Variants in EYS observed in about 807,000 individuals in gnomAD.
EYS encodes EGF-like photoreceptor maintenance factor.
Under a neutral mutation model 282.1 loss-of-function variants are expected in EYS, and 250 were observed. That is an observed-to-expected ratio of 0.89 (90% CI 0.80 to 0.98). The LOEUF (loss-of-function observed/expected upper bound fraction) is 0.98, where lower values mean the gene tolerates loss of function less well. Among genes scored for constraint, EYS ranks in the 50% least tolerant of loss-of-function variants. The pLI, the probability that EYS is intolerant of heterozygous loss-of-function variation, is 0.00. For missense variants in EYS, 4,016 were observed against 3,709.0 expected (o/e 1.08, Z -2.15); for synonymous variants, 1,355 against 1,282.9 (o/e 1.06, Z -1.20).
At chr6:65,685,246 A>T (rs1343303010) in intron 1 of EYS, among the ~76,000 whole-genome samples, 1 of 152,046 alleles carries the variant, frequency 6.6e-6, no homozygotes, top group Non-Finnish European at 1.5e-5. Context: ...AATGATGGAC[A>T]CATAGAGACG....
At position 63,766,320 on chromosome 6, in the gene EYS, C is replaced by A. The variant is rs1306523176; in HGVS notation, c.7899-3687G>T. ...AGTTTTCTGACCCCGGCACTCTAGACCATTAATTCCGTAAGAGCAGAGATA... is the reference window on the plus strand; with the variant it reads ...AGTTTTCTGACCCCGGCACTCTAGAACATTAATTCCGTAAGAGCAGAGATA... On this transcript the variant is annotated intron_variant, in intron 40 of 42. Transcript: ENST00000503581. Among the ~76,000 whole-genome samples the A allele has an allele frequency of 2.6e-5, 4 of 152,098 alleles. No individual in the cohort carries two copies. The East Asian group carries it at 7.7e-4, about 29-fold the overall frequency.
At chr6:63,777,811 T>G (rs952980525) in intron 40 of EYS, 195 bp downstream of exon 40, 8 of 540,150 alleles carry the variant, frequency 1.5e-5, no homozygotes, top group African/African-American at 1.3e-4. Context: ...AGAACTAAGA[T>G]GGCATAAATG....
At position 64,843,277 on chromosome 6, in the gene EYS, G is replaced by A. The variant is rs987875406; in HGVS notation, c.2993-20455C>T. On this transcript the variant is annotated intron_variant, in intron 19 of 42. Transcript: ENST00000503581. ...AGAACCCATACTGCGGCACCACCTA[G>A]TAGAGCTGTGAGAAGAGGGCCACTG... is the stretch of plus-strand genomic sequence containing the variant. 7.9e-5 allele frequency among the ~76,000 whole-genome samples: 12 copies of A among 152,264 alleles called. 1 individual carries two copies. In the East Asian group the frequency reaches 1.9e-3, roughly 25 times the overall value.
intron 12 of EYS, among the ~76,000 whole-genome samples, chr6:65,119,247 A>G (rs1057345340): frequency 2.0e-5 from 3 of 152,302 alleles, no homozygotes; most frequent in Non-Finnish European, 2.9e-5. Context: ...AGGCTTAGGA[A>G]GTGGGCAGCA....
At chr6:64,356,572 C>T (rs1281292986) in intron 29 of EYS, among the ~76,000 whole-genome samples, 1 of 151,594 alleles carries the variant, frequency 6.6e-6, no homozygotes, top group Non-Finnish European at 1.5e-5. Flanking sequence ...GGCTTAGTAA[C>T]ACACTAACAT....
Position 65,220,279 on chromosome 6 carries a change from C to A in EYS, c.2023+75584G>T, listed in dbSNP as rs187607230. ...AAAAAAATTCACTCTTCATTAGGTA[C>A]ATTTTTACCATGTACCTACCATGCA... On this transcript the variant is annotated intron_variant, in intron 12 of 42. Transcript: ENST00000503581. Among the ~76,000 whole-genome samples, 13 of 152,090 alleles carry A rather than the reference C, an allele frequency of 8.5e-5. No homozygotes were observed. In the East Asian group the frequency reaches 2.5e-3, roughly 29 times the overall value.
chr6:65,218,736 C>T (rs1766381502), intron 12 of EYS, among the ~76,000 whole-genome samples: 1 of 151,978 alleles, frequency 6.6e-6, no homozygotes, highest in African/African-American at 2.4e-5. Context: ...GATGTCTCAC[C>T]AGAAATACTG....
intron 2 of EYS, among the ~76,000 whole-genome samples, chr6:65,500,015 A>T (rs1026419327): frequency 6.6e-6 from 1 of 151,950 alleles, no homozygotes; most frequent in Non-Finnish European, 1.5e-5. Flanking sequence ...TAAAAAGAGT[A>T]AAAAATAAAA....
At chr6:64,138,589 G>C (rs896102437) in intron 31 of EYS, among the ~76,000 whole-genome samples, 5 of 152,150 alleles carry the variant, frequency 3.3e-5, no homozygotes, top group Non-Finnish European at 7.4e-5. Flanking sequence ...GAATTCAGAG[G>C]CAAGGCAATT....
At chr6:64,882,118 G>T (rs1348352902) in intron 19 of EYS, among the ~76,000 whole-genome samples, 1 of 151,716 alleles carries the variant, frequency 6.6e-6, no homozygotes, top group African/African-American at 2.4e-5. Flanking sequence ...GCCCATGGAA[G>T]AGAACATGGA....
At chr6:64,122,549 T>A (rs116044206) in intron 31 of EYS, among the ~76,000 whole-genome samples, 9,417 of 152,156 alleles carry the variant, frequency 0.062, 929 homozygotes, top group African/African-American at 0.21. Flanking sequence ...TGAGTTTTTA[T>A]CCCCTTGTCT....
chr6:64,794,924 A>G (rs1481506107), intron 22 of EYS, among the ~76,000 whole-genome samples: 1 of 152,110 alleles, frequency 6.6e-6, no homozygotes, highest in Non-Finnish European at 1.5e-5. Context: ...TTGGACATTT[A>G]TACTACAGGG....
At chr6:64,236,761 A>AT (rs1165259567) in intron 30 of EYS, among the ~76,000 whole-genome samples, 78 of 145,906 alleles carry the variant, frequency 5.3e-4, no homozygotes, top group Admixed American at 2.0e-3. Flanking sequence ...GGTTTTTTTA[A>AT]TTTTTTAATT....
intron 26 of EYS, among the ~76,000 whole-genome samples, chr6:64,478,405 AT>A (rs1322340549): frequency 6.6e-6 from 1 of 151,664 alleles, no homozygotes; most frequent in African/African-American, 2.4e-5. Flanking sequence ...AATTTAGACA[AT>A]TTTAATATTT....
In EYS at chr6:64,436,106, G is replaced by A. The variant is rs532553653; in HGVS notation, c.5927+68C>T. 92 of 909,298 alleles carry A rather than the reference G, an allele frequency of 1.0e-4. No homozygotes were observed. In the African/African-American group the frequency reaches 1.4e-3, roughly 14 times the overall value. 56.3% of individuals were successfully genotyped at this position (909,298 alleles called of 1,614,324 possible). A position where few individuals can be genotyped will look rare whatever the true frequency, so the allele number is the denominator to read the frequency against. ...TATAACCTCAATTTTGAAATGACAAGTACAATATTGTTAGGGATAGCCTTT... is the reference window on the plus strand; with the variant it reads ...TATAACCTCAATTTTGAAATGACAAATACAATATTGTTAGGGATAGCCTTT... On this transcript the variant is annotated intron_variant, in intron 28 of 42. Coordinates refer to ENST00000503581, the MANE Select transcript of EYS (RefSeq NM_001142800.2).
At chr6:65,683,482 G>T (rs1450085048) in intron 1 of EYS, among the ~76,000 whole-genome samples, 2 of 151,824 alleles carry the variant, frequency 1.3e-5, no homozygotes, top group Non-Finnish European at 2.9e-5. Flanking sequence ...TAACTGTCAG[G>T]TGCAAATTAT....
chr6:64,462,942 A>ATTTTGT (rs777692265), intron 26 of EYS, among the ~76,000 whole-genome samples: 1 of 105,924 alleles, frequency 9.4e-6, no homozygotes, highest in Non-Finnish European at 2.0e-5. Context: ...CTCAGCTTTA[A>ATTTTGT]TTTTTTTTTT....
At chr6:64,576,646 G>A (rs1222214947) in intron 26 of EYS, among the ~76,000 whole-genome samples, 1 of 151,826 alleles carries the variant, frequency 6.6e-6, no homozygotes, top group East Asian at 1.9e-4. Flanking sequence ...CAAAAATCTT[G>A]TATTTCTTTT....
intron 41 of EYS, among the ~76,000 whole-genome samples, chr6:63,742,985 G>A (rs1210015125): frequency 6.6e-6 from 1 of 151,788 alleles, no homozygotes; most frequent in African/African-American, 2.4e-5. Context: ...CTGTATAAAT[G>A]TCCAGCAATG....
Sources: gnomAD v4.1 joint callset for allele counts (sites outside exome capture counted in the v4.1 genomes callset) on GRCh38, gnomAD v4.1.1 for gene constraint, MANE v1.5 for transcripts, NCBI Gene and HGNC (gene_info 2026-07-23, HGNC 2026-07-21) for gene names.